Variants in PARP12 observed in about 807,000 individuals in gnomAD.
PARP12 encodes poly(ADP-ribose) polymerase family member 12.
A neutral mutation model predicts 72.4 loss-of-function variants in PARP12; 59 were observed. The ratio of observed to expected loss-of-function variants is 0.81; its 90% CI spans 0.66 to 1.01. PARP12 has a LOEUF of 1.01. PARP12 is among the 50% of genes least tolerant of loss of function. The pLI is 0.00. For missense variants in PARP12, 851 were observed against 914.0 expected (o/e 0.93, Z 0.89); for synonymous variants, 403 against 371.4 (o/e 1.09, Z -0.98).
In PARP12 at chr7:140,046,974, T is replaced by TA. The variant is rs1569527780; in HGVS notation, c.895dup (p.Tyr299LeufsTer8). The TA allele has an allele frequency of 1.2e-6, 2 of 1,613,952 alleles. No individual in the cohort carries two copies. The highest frequency in any genetic ancestry group is 1.7e-6 in the Non-Finnish European group (2 of 1,179,936). Reference sequence around the variant, plus strand: ...GCCTCTATCCAAGAATTGCCATCGATACGGCAAATGGAAATGAACTCTATG... The same window carrying TA: ...GCCTCTATCCAAGAATTGCCATCGATAACGGCAAATGGAAATGAACTCTATG... On this transcript the variant is annotated frameshift_variant, in exon 5 of 12. Transcript: ENST00000263549. LOFTEE classifies it high-confidence loss of function.
Position 140,061,801 on chromosome 7 carries a change from G to A in PARP12, c.326+721C>T, listed in dbSNP as rs1379582251. 2.0e-5 allele frequency among the ~76,000 whole-genome samples: 3 copies of A among 152,278 alleles called. No individual in the cohort carries two copies. In the East Asian group the frequency reaches 5.8e-4, roughly 29 times the overall value. ...GGGAGTTTCTATTCTACTGGCAGCTGGGTGCCATGAGGAAAATAAACAGTT... is the reference window on the plus strand; with the variant it reads ...GGGAGTTTCTATTCTACTGGCAGCTAGGTGCCATGAGGAAAATAAACAGTT... On this transcript the variant is annotated intron_variant, in intron 1 of 11. Coordinates refer to ENST00000263549, the MANE Select transcript of PARP12 (RefSeq NM_022750.4).
intron 4 of PARP12, among the ~76,000 whole-genome samples, chr7:140,054,171 T>TA (rs938976589): frequency 2.6e-5 from 4 of 152,088 alleles, no homozygotes; most frequent in African/African-American, 7.2e-5. Context: ...CTGCTTCTGA[T>TA]AAAAAAGAGA....
chr7:140,041,953 T>A, intron 5 of PARP12, 114 bp from the exon 6 acceptor site: 1 of 927,878 alleles, frequency 1.1e-6, no homozygotes, highest in Non-Finnish European at 1.6e-6. Context: ...GCATGCACAT[T>A]TTAGAAAAAG....
chr7:140,043,598 G>A (rs1485376100), intron 5 of PARP12, among the ~76,000 whole-genome samples: 1 of 151,912 alleles, frequency 6.6e-6, no homozygotes, highest in African/African-American at 2.4e-5. Flanking sequence ...CATCATCTCA[G>A]CTCATCGTGA....
intron 6 of PARP12, among the ~76,000 whole-genome samples, chr7:140,038,707 A>C (rs375561574): frequency 3.2e-4 from 49 of 152,214 alleles, no homozygotes; most frequent in African/African-American, 1.2e-3. Flanking sequence ...TCAACCTATA[A>C]CCAACTAACT....
chr7:140,043,983 G>C (rs1396602877), intron 5 of PARP12, among the ~76,000 whole-genome samples: 2 of 152,194 alleles, frequency 1.3e-5, no homozygotes, highest in African/African-American at 4.8e-5. Flanking sequence ...AGAGAAGTTA[G>C]AAGACATAAA....
At position 140,043,883 on chromosome 7, in the gene PARP12, G is replaced by A. The variant is rs188291739; in HGVS notation, c.987-2044C>T. ...AACTGAAATTTAAAAATCATACTTC[G>A]ATGGGACACACTGCATCTCAGAAGA... On this transcript the variant is annotated intron_variant, in intron 5 of 11. Transcript: ENST00000263549. Among the ~76,000 whole-genome samples, 49 of 152,272 alleles carry A rather than the reference G, an allele frequency of 3.2e-4. No homozygotes were observed. In the East Asian group the frequency reaches 5.0e-3, roughly 16 times the overall value.
In PARP12 at chr7:140,062,752, C is replaced by T; in HGVS notation, c.96G>A (p.Met32Ile). ...GCTCCAGCGCGTCGGCGCTCAAGCCCATCCGCAAGCGGCGCCGCAGCTCGG... is the reference window on the plus strand; with the variant it reads ...GCTCCAGCGCGTCGGCGCTCAAGCCTATCCGCAAGCGGCGCCGCAGCTCGG... ...ELPELRRRLRMGLSADALERL... is the reference protein window; with the variant it reads ...ELPELRRRLRIGLSADALERL... Residue 32 changes from methionine to isoleucine, a missense_variant, in exon 1 of 12, where the codon ATG becomes ATA. Met to Ile is a conservative substitution (Grantham distance 10). This residue lies in a region of PARP12 where 492 missense variants were observed against 489.3 expected (regional missense o/e 1.01). Coordinates refer to ENST00000263549, the MANE Select transcript of PARP12 (RefSeq NM_022750.4). 1.4e-6 allele frequency: 2 copies of T among 1,385,858 alleles called. No individual in the cohort carries two copies. Among genetic ancestry groups the T allele is most frequent in the Non-Finnish European group, 1.9e-6 (2 of 1,064,338 alleles). 85.8% of individuals were successfully genotyped at this position (1,385,858 alleles called of 1,614,324 possible). A position where few individuals can be genotyped will look rare whatever the true frequency, so the allele number is the denominator to read the frequency against.
At chr7:140,034,490 C>T in intron 7 of PARP12, 159 bp from the exon 8 acceptor site, 3 of 534,408 alleles carry the variant, frequency 5.6e-6, no homozygotes, top group South Asian at 2.1e-5. Context: ...TTACACATTT[C>T]AAATATTCAT....
At chr7:140,025,044 A>G (rs1815679882) in intron 11 of PARP12, among the ~76,000 whole-genome samples, 159 bp from the exon 12 acceptor site, 2 of 152,018 alleles carry the variant, frequency 1.3e-5, no homozygotes, top group Non-Finnish European at 2.9e-5. Context: ...ACTCTCCCTC[A>G]TGAAGTCACA....
Position 140,062,903 on chromosome 7 carries a change from A to G in PARP12, c.-56T>C. The stretch of plus-strand genomic sequence containing the variant: ...GGTGGCGCGACGCGGACGGCGGCGG[A>G]CGCTGGCTGGCGGGCGGCTCTCGCA... On this transcript the variant is annotated 5_prime_UTR_variant, in exon 1 of 12. Transcript: ENST00000263549. The G allele has an allele frequency of 8.2e-7, 1 of 1,213,414 alleles. No individual in the cohort carries two copies. Among genetic ancestry groups the G allele is most frequent in the Non-Finnish European group, 1.0e-6 (1 of 973,148 alleles). The allele number at this position is 1,213,414 out of a possible 1,614,324, so 75.2% of individuals were successfully genotyped here. A position where few individuals can be genotyped will look rare whatever the true frequency, so the allele number is the denominator to read the frequency against.
chr7:140,058,112 G>C (rs112681522), intron 1 of PARP12, 78 bp from the exon 2 acceptor site: 1 of 1,478,136 alleles, frequency 6.8e-7, no homozygotes, highest in African/African-American at 1.4e-5. Flanking sequence ...TAACTCCCAC[G>C]ACCTCAGGAT....
intron 9 of PARP12, 63 bp downstream of exon 9, chr7:140,028,550 T>TTCA: frequency 1.1e-5 from 16 of 1,408,568 alleles, no homozygotes; most frequent in Non-Finnish European, 1.5e-5. Context: ...GCACAGTCTG[T>TTCA]TCACACACAC....
Position 140,041,836 on chromosome 7 carries a change from G to A in PARP12, c.990C>T (p.Ile330=). Reference sequence around the variant, plus strand: ...AGGTACTGGCTGACTCAGAGCACAGGATCCTACAGAAGAAAAACAGCAGCA... The same window carrying A: ...AGGTACTGGCTGACTCAGAGCACAGAATCCTACAGAAGAAAAACAGCAGCA... ...EAYCNPKIER[I]LCSESASTFH... is the part of the protein sequence containing the mutation. Residue 330 remains isoleucine, a synonymous_variant, in exon 6 of 12, where the codon ATC becomes ATT. Coordinates refer to ENST00000263549, the MANE Select transcript of PARP12 (RefSeq NM_022750.4). The A allele has an allele frequency of 1.2e-6, 2 of 1,610,520 alleles. No homozygotes were observed. The highest frequency in any genetic ancestry group is 1.7e-6 in the Non-Finnish European group (2 of 1,177,572).
rs971330641 is a variant in PARP12 at position 140,062,920 on chromosome 7, G to A, written c.-73C>T. 49 of 1,174,210 alleles carry A rather than the reference G, an allele frequency of 4.2e-5. No homozygotes were observed. Among genetic ancestry groups the A allele is most frequent in the Non-Finnish European group, 5.1e-5 (48 of 941,252 alleles). The allele number at this position is 1,174,210 out of a possible 1,614,324, so 72.7% of individuals were successfully genotyped here. A position where few individuals can be genotyped will look rare whatever the true frequency, so the allele number is the denominator to read the frequency against. On this transcript the variant is annotated 5_prime_UTR_variant, in exon 1 of 12. Coordinates refer to ENST00000263549, the MANE Select transcript of PARP12 (RefSeq NM_022750.4). ...GGCGGCGGACGCTGGCTGGCGGGCG[G>A]CTCTCGCAGGGTGGAGACGCCGGCG...
At chr7:140,044,099 A>G (rs1816611596) in intron 5 of PARP12, among the ~76,000 whole-genome samples, 1 of 152,254 alleles carries the variant, frequency 6.6e-6, no homozygotes, top group Non-Finnish European at 1.5e-5. Flanking sequence ...AAATATGAGT[A>G]GCATAAATTT....
chr7:140,030,411 A>T (rs1815894570), intron 8 of PARP12, among the ~76,000 whole-genome samples: 1 of 152,228 alleles, frequency 6.6e-6, no homozygotes, highest in African/African-American at 2.4e-5. Context: ...CAGCCTGACC[A>T]ACATAATGAA....
At chr7:140,028,584 G>T in intron 9 of PARP12, 29 bp downstream of exon 9, 1 of 1,539,672 alleles carries the variant, frequency 6.5e-7, no homozygotes, top group Non-Finnish European at 8.8e-7. Context: ...ACACCTTCCT[G>T]TCCAGCCCCA....
intron 1 of PARP12, among the ~76,000 whole-genome samples, chr7:140,060,134 G>A (rs1057478958): frequency 6.6e-6 from 1 of 152,190 alleles, no homozygotes; most frequent in Admixed American, 6.5e-5. Context: ...CAGCCTGTGA[G>A]GGTAGTAATA....
Sources: gnomAD v4.1 joint callset for allele counts (sites outside exome capture counted in the v4.1 genomes callset) on GRCh38, gnomAD v4.1.1 for gene constraint, gnomAD v4.1.1 regional missense constraint, MANE v1.5 for transcripts, NCBI Gene and HGNC (gene_info 2026-07-23, HGNC 2026-07-21) for gene names.